Variants in CHCHD3 observed in about 807,000 individuals in gnomAD.
CHCHD3 encodes coiled-coil-helix-coiled-coil-helix domain containing 3.
CHCHD3 carries 20 observed loss-of-function variants against 38.2 expected under a neutral mutation model. That is an observed-to-expected ratio of 0.52 (90% confidence interval 0.37 to 0.76). The LOEUF (loss-of-function observed/expected upper bound fraction) is 0.76. Among genes scored for constraint, CHCHD3 ranks in the 30% least tolerant of loss-of-function variants. CHCHD3 has a pLI of 0.00. For missense variants in CHCHD3, 245 were observed against 279.2 expected (o/e 0.88, Z 0.87); for synonymous variants, 82 against 100.0 (o/e 0.82, Z 1.07).
At chr7:132,816,119 T>C (rs1807195455) in intron 6 of CHCHD3, among the ~76,000 whole-genome samples, 1 of 152,246 alleles carries the variant, frequency 6.6e-6, no homozygotes, top group East Asian at 1.9e-4. Flanking sequence ...CTGGGCATTT[T>C]GTCAAGTTGA....
chr7:133,027,233 C>T (rs1312958029), intron 2 of CHCHD3, among the ~76,000 whole-genome samples: 1 of 151,870 alleles, frequency 6.6e-6, no homozygotes, highest in East Asian at 1.9e-4. Flanking sequence ...GCCACCATGC[C>T]CAGACGAAAA....
intron 7 of CHCHD3, among the ~76,000 whole-genome samples, chr7:132,796,159 T>C (rs1292962814): frequency 6.6e-6 from 1 of 152,196 alleles, no homozygotes; most frequent in Non-Finnish European, 1.5e-5. Flanking sequence ...GGAACATTAT[T>C]ATTAGAAGAC....
At chr7:132,974,650 T>G (rs941202103) in intron 4 of CHCHD3, among the ~76,000 whole-genome samples, 26 of 151,706 alleles carry the variant, frequency 1.7e-4, no homozygotes, top group African/African-American at 5.6e-4. Flanking sequence ...CCGAGGCGGG[T>G]GGATCACATG....
chr7:132,816,530 C>T (rs1383621557), intron 6 of CHCHD3, among the ~76,000 whole-genome samples: 1 of 152,218 alleles, frequency 6.6e-6, no homozygotes, highest in African/African-American at 2.4e-5. Context: ...ATTGCACGAT[C>T]TCTCCAGAAA....
chr7:132,959,787 C>CATAGAT (rs1487862368), intron 4 of CHCHD3, among the ~76,000 whole-genome samples: 1 of 150,998 alleles, frequency 6.6e-6, no homozygotes, highest in African/African-American at 2.4e-5. Flanking sequence ...TTACAGCTGG[C>CATAGAT]ATAGATCAAT....
chr7:132,902,641 G>A (rs1809699133), intron 4 of CHCHD3, among the ~76,000 whole-genome samples: 1 of 152,058 alleles, frequency 6.6e-6, no homozygotes, highest in Admixed American at 6.6e-5. Flanking sequence ...ACACAGGAAG[G>A]GGAACATCAC....
At chr7:133,018,576 A>G (rs1458872744) in intron 3 of CHCHD3, among the ~76,000 whole-genome samples, 1 of 152,240 alleles carries the variant, frequency 6.6e-6, no homozygotes, top group East Asian at 1.9e-4. Flanking sequence ...TGTAATTTTC[A>G]TAACTGTGTA....
intron 6 of CHCHD3, among the ~76,000 whole-genome samples, chr7:132,829,214 C>T (rs1807578270): frequency 1.3e-5 from 2 of 152,128 alleles, no homozygotes; most frequent in African/African-American, 2.4e-5. Flanking sequence ...TAGTTAATTA[C>T]TCAAGTAAGC....
chr7:132,853,214 A>G (rs921477071), intron 5 of CHCHD3, among the ~76,000 whole-genome samples: 6 of 152,200 alleles, frequency 3.9e-5, no homozygotes, highest in Admixed American at 3.9e-4. Flanking sequence ...CAAAAGCCTT[A>G]ATGAGGAGGT....
intron 3 of CHCHD3, among the ~76,000 whole-genome samples, chr7:132,982,865 A>G (rs1440934094): frequency 6.6e-6 from 1 of 152,162 alleles, no homozygotes; most frequent in Non-Finnish European, 1.5e-5. Flanking sequence ...AAATATATTG[A>G]ACATTTTTTT....
intron 2 of CHCHD3, among the ~76,000 whole-genome samples, chr7:133,027,387 A>G (rs113635937): frequency 0.037 from 2,159 of 59,128 alleles, 25 homozygotes; most frequent in Non-Finnish European, 0.06. Flanking sequence ...GAGAGAGAGA[A>G]AGAGAGAGAG....
At chr7:133,033,288 T>C (rs1316223575) in intron 2 of CHCHD3, among the ~76,000 whole-genome samples, 1 of 152,162 alleles carries the variant, frequency 6.6e-6, no homozygotes, top group Non-Finnish European at 1.5e-5. Context: ...GTAAATAGGT[T>C]TTCAGCTCCA....
At chr7:132,966,987 T>A (rs1811481473) in intron 4 of CHCHD3, among the ~76,000 whole-genome samples, 1 of 152,190 alleles carries the variant, frequency 6.6e-6, no homozygotes, top group African/African-American at 2.4e-5. Context: ...GATGGAATTA[T>A]AACCAGCCCT....
chr7:132,956,539 C>A lies in CHCHD3; in HGVS notation c.369+18630G>T, dbSNP rs114569335. 2.0e-3 allele frequency among the ~76,000 whole-genome samples: 303 copies of A among 152,290 alleles called. 3 individuals carry two copies. Among genetic ancestry groups the A allele is most frequent in the African/African-American group, 7.1e-3 (296 of 41,564 alleles). On this transcript the variant is annotated intron_variant, in intron 4 of 7. Coordinates refer to ENST00000262570, the MANE Select transcript of CHCHD3 (RefSeq NM_017812.4). ...CAAGTCAAGTTATAAATTGTAAAAG[C>A]TTTATTATAATTCCACATAAGTACA...
intron 6 of CHCHD3, among the ~76,000 whole-genome samples, chr7:132,798,716 G>C (rs1297108669): frequency 1.3e-5 from 2 of 152,026 alleles, no homozygotes; most frequent in East Asian, 3.9e-4. Context: ...TTAACATACG[G>C]GAAAAGACTG....
chr7:132,817,450 C>T (rs1270017717), intron 6 of CHCHD3, among the ~76,000 whole-genome samples: 3 of 151,924 alleles, frequency 2.0e-5, no homozygotes, highest in Non-Finnish European at 2.9e-5. Context: ...GATGACTATT[C>T]TCCTTAGGGA....
At chr7:132,878,044 A>G (rs1367776957) in intron 5 of CHCHD3, among the ~76,000 whole-genome samples, 2 of 152,026 alleles carry the variant, frequency 1.3e-5, no homozygotes, top group Non-Finnish European at 2.9e-5. Context: ...CCATAAACCA[A>G]GTTTAAGTTA....
chr7:132,891,712 T>C (rs1477447676), intron 4 of CHCHD3, among the ~76,000 whole-genome samples: 1 of 152,230 alleles, frequency 6.6e-6, no homozygotes, highest in Non-Finnish European at 1.5e-5. Flanking sequence ...AAATCTTATC[T>C]TGAACTGTAA....
At chr7:132,908,652 G>C (rs1264146326) in intron 4 of CHCHD3, among the ~76,000 whole-genome samples, 1 of 152,126 alleles carries the variant, frequency 6.6e-6, no homozygotes, top group African/African-American at 2.4e-5. Context: ...ATAAGCCCTT[G>C]TAAGTACTGG....
Sources: gnomAD v4.1 joint callset for allele counts (sites outside exome capture counted in the v4.1 genomes callset) on GRCh38, gnomAD v4.1.1 for gene constraint, MANE v1.5 for transcripts, NCBI Gene and HGNC (gene_info 2026-07-23, HGNC 2026-07-21) for gene names.